Variants in C11orf65 observed in about 807,000 individuals in gnomAD.
C11orf65 encodes the protein chromosome 11 open reading frame 65.
Under a neutral mutation model 35.3 loss-of-function variants are expected in C11orf65, and 38 were observed. The ratio of observed to expected loss-of-function variants is 1.08; its 90% CI spans 0.83 to 1.41. The LOEUF is 1.41. Among genes scored for constraint, C11orf65 ranks in the 40% most tolerant of loss-of-function variants. The probability of loss-of-function intolerance (pLI) is 0.00; values close to 1 mark genes in which losing one functional copy is unlikely to be tolerated. For synonymous variants in C11orf65, 105 were observed against 114.4 expected (o/e 0.92, Z 0.53); for missense variants, 370 against 367.1 (o/e 1.01, Z -0.06).
In C11orf65 at chr11:108,343,309, G is replaced by A. The variant is rs1167044647; in HGVS notation, c.227-8017C>T. 1 of 1,613,998 alleles carries A rather than the reference G, an allele frequency of 6.2e-7. No individual in the cohort carries two copies. Among genetic ancestry groups the A allele is most frequent in the Middle Eastern group, 1.7e-4 (1 of 6,060 alleles). ...TGAATTTCTTGTTAACAATGAAGAT[G>A]GTGCTCATAAAAGATACAGGCCAAA... On this transcript the variant is annotated intron_variant, in intron 2 of 3. Transcript: ENST00000524755.
chr11:108,408,926 A>G (rs920612629), intron 3 of C11orf65, among the ~76,000 whole-genome samples: 5 of 151,984 alleles, frequency 3.3e-5, no homozygotes, highest in African/African-American at 1.2e-4. Flanking sequence ...AATTTTGCAG[A>G]ATAATCTTCT....
chr11:108,405,608 G>C (rs753183833), intron 5 of C11orf65, 49 bp from the exon 6 acceptor site: 1 of 1,581,830 alleles, frequency 6.3e-7, no homozygotes, highest in South Asian at 1.1e-5. Flanking sequence ...TATCGATTGT[G>C]AGGTTATCTG....
intron 6 of C11orf65, among the ~76,000 whole-genome samples, chr11:108,394,207 C>T (rs1187878353): frequency 6.8e-6 from 1 of 146,888 alleles, no homozygotes; most frequent in Non-Finnish European, 1.5e-5. Flanking sequence ...AAAGACACAG[C>T]CATTTGTGGC....
chr11:108,339,604 T>C (rs2087267546), intron 2 of C11orf65, among the ~76,000 whole-genome samples: 1 of 152,122 alleles, frequency 6.6e-6, no homozygotes, highest in Non-Finnish European at 1.5e-5. Context: ...AACACTGTCA[T>C]TTGCTTTTTG....
chr11:108,394,089 A>C (rs926323826), intron 6 of C11orf65, among the ~76,000 whole-genome samples: 2 of 150,608 alleles, frequency 1.3e-5, no homozygotes, highest in Non-Finnish European at 2.9e-5. Flanking sequence ...CTGAGGCAGG[A>C]GAATCGCTAG....
intron 6 of C11orf65, among the ~76,000 whole-genome samples, chr11:108,317,116 A>T (rs966863801): frequency 1.3e-5 from 2 of 150,246 alleles, no homozygotes; most frequent in Non-Finnish European, 3.0e-5. Flanking sequence ...AAAAAAAAAA[A>T]AATTGTAGAG....
intron 2 of C11orf65, among the ~76,000 whole-genome samples, chr11:108,375,520 A>G (rs1230806345): frequency 6.6e-6 from 1 of 151,654 alleles, no homozygotes; most frequent in African/African-American, 2.4e-5. Context: ...AGTACCAGCC[A>G]CTGCAAAATC....
rs144524874 is a variant in C11orf65 at position 108,394,938 on chromosome 11, C to T, written c.561-1560G>A. The stretch of plus-strand genomic sequence containing the variant: ...TTGAAGCCAGAAGTTTAAGAACATA[C>T]TGGACAACACAGTGAGACCCCATCT... On this transcript the variant is annotated intron_variant, in intron 6 of 8. Transcript: ENST00000393084. Among the ~76,000 whole-genome samples, 48 of 152,052 alleles carry T rather than the reference C, an allele frequency of 3.2e-4. No homozygotes were observed. The East Asian group carries it at 9.3e-3, about 30-fold the overall frequency.
At chr11:108,350,413 G>A (rs1032106635) in intron 2 of C11orf65, among the ~76,000 whole-genome samples, 1 of 152,208 alleles carries the variant, frequency 6.6e-6, no homozygotes. Context: ...AGGGGTAGAA[G>A]GAGAAGAGGT....
intron 3 of C11orf65, among the ~76,000 whole-genome samples, chr11:108,421,922 T>C (rs74573524): frequency 6.6e-6 from 1 of 152,150 alleles, no homozygotes; most frequent in Admixed American, 6.5e-5. Context: ...TCCAATAAAG[T>C]TGATTCTGAT....
intron 7 of C11orf65, among the ~76,000 whole-genome samples, chr11:108,389,664 T>A (rs977372227): frequency 6.6e-6 from 1 of 152,208 alleles, no homozygotes; most frequent in African/African-American, 2.4e-5. Flanking sequence ...TACTGGTTTA[T>A]CCTGGGTTTT....
intron 3 of C11orf65, among the ~76,000 whole-genome samples, chr11:108,413,161 G>A (rs568434327): frequency 3.9e-5 from 6 of 152,234 alleles, no homozygotes; most frequent in South Asian, 2.1e-4. Flanking sequence ...GACAGACCAC[G>A]TTCTGGGCCA....
intron 2 of C11orf65, among the ~76,000 whole-genome samples, chr11:108,450,094 T>C (rs1329313589): frequency 6.6e-6 from 1 of 152,044 alleles, no homozygotes; most frequent in African/African-American, 2.4e-5. Context: ...TACCATCTCA[T>C]ACCAGTTAGA....
chr11:108,435,154 C>T (rs2093043743), intron 2 of C11orf65, among the ~76,000 whole-genome samples: 1 of 152,066 alleles, frequency 6.6e-6, no homozygotes, highest in African/African-American at 2.4e-5. Flanking sequence ...CTTTAATGAT[C>T]CACTAGTGAA....
chr11:108,403,158 G>C (rs1355038929), intron 6 of C11orf65, among the ~76,000 whole-genome samples: 2 of 152,144 alleles, frequency 1.3e-5, no homozygotes, highest in African/African-American at 4.8e-5. Flanking sequence ...AAAAAAACTT[G>C]TCAAACCGTT....
At chr11:108,456,666 A>G (rs1395214001) in intron 2 of C11orf65, among the ~76,000 whole-genome samples, 1 of 151,880 alleles carries the variant, frequency 6.6e-6, no homozygotes, top group Non-Finnish European at 1.5e-5. Flanking sequence ...CCTGTAGTCC[A>G]AACAGGAGGC....
intron 2 of C11orf65, among the ~76,000 whole-genome samples, chr11:108,352,904 T>G (rs1026626571): frequency 1.3e-5 from 2 of 152,036 alleles, no homozygotes; most frequent in Non-Finnish European, 2.9e-5. Flanking sequence ...TAGTGGCTGC[T>G]AGAAAAATAG....
intron 2 of C11orf65, among the ~76,000 whole-genome samples, chr11:108,432,953 T>A (rs2093010069): frequency 6.6e-6 from 1 of 152,134 alleles, no homozygotes; most frequent in Non-Finnish European, 1.5e-5. Flanking sequence ...TCTCTTCCTG[T>A]GGGTTGACAG....
intron 3 of C11orf65, chr11:108,333,034 T>G: frequency 8.8e-7 from 1 of 1,132,854 alleles, no homozygotes; most frequent in Non-Finnish European, 1.3e-6. Context: ...TTATATCTGA[T>G]GGCTTCAGCA....
Sources: gnomAD v4.1 joint callset for allele counts (sites outside exome capture counted in the v4.1 genomes callset) on GRCh38, gnomAD v4.1.1 for gene constraint, MANE v1.5 for transcripts, NCBI Gene and HGNC (gene_info 2026-07-23, HGNC 2026-07-21) for gene names.